Variants in IL34 observed in about 807,000 individuals in gnomAD.
IL34 encodes the protein interleukin 34, also known as interleukin-34.
A neutral mutation model predicts 25.3 loss-of-function variants in IL34; 17 were observed. The ratio of observed to expected loss-of-function variants is 0.67; its 90% CI spans 0.46 to 1.01. The LOEUF is 1.01. Ranked by LOEUF, IL34 falls within the 50% of genes least tolerant of loss-of-function variation. The probability of loss-of-function intolerance (pLI) is 0.00; values close to 1 mark genes in which losing one functional copy is unlikely to be tolerated. For synonymous variants in IL34, 174 were observed against 140.9 expected (o/e 1.23, Z -1.66); for missense variants, 368 against 312.9 (o/e 1.18, Z -1.33).
At chr16:70,615,313 T>C (rs1186043749) in intron 1 of IL34, among the ~76,000 whole-genome samples, 4 of 151,768 alleles carry the variant, frequency 2.6e-5, no homozygotes, top group Non-Finnish European at 4.4e-5. Context: ...TCGAAACCAT[T>C]CTGGCTAACA....
rs985414334 is a variant in IL34, at chr16:70,659,732, G to A, written c.517G>A (p.Glu173Lys). The part of the protein sequence containing the change: ...ALLDNCFRVM[E>K]LLYCSCCKQS... ...GCTGGACAACTGCTTCCGGGTCATGGAGCTGCTGTACTGCTCCTGCTGTAA... is the reference window on the plus strand; with the variant it reads ...GCTGGACAACTGCTTCCGGGTCATGAAGCTGCTGTACTGCTCCTGCTGTAA... Residue 173 changes from glutamate (E) to lysine (K), a missense_variant, in exon 5 of 6, where the codon GAG becomes AAG. Glu to Lys is a moderately conservative substitution (Grantham distance 56, BLOSUM62 1). Transcript: ENST00000288098. 1.2e-6 allele frequency: 2 copies of A among 1,605,896 alleles called. No homozygotes were observed. The highest frequency in any genetic ancestry group is 2.7e-5 in the African/African-American group (2 of 74,800).
At chr16:70,583,868 T>C (rs908310556) in intron 1 of IL34, among the ~76,000 whole-genome samples, 2 of 152,096 alleles carry the variant, frequency 1.3e-5, no homozygotes, top group Admixed American at 1.3e-4. Context: ...GCCAGGCTGA[T>C]CTCAAACTCC....
intron 1 of IL34, among the ~76,000 whole-genome samples, chr16:70,625,241 C>A (rs867760731): frequency 6.6e-6 from 1 of 151,622 alleles, no homozygotes; most frequent in African/African-American, 2.4e-5. Flanking sequence ...TGGAAGGTTG[C>A]CCATAGTGAA....
upstream of IL34, among the ~76,000 whole-genome samples, chr16:70,646,245 C>T (rs866847422): frequency 2.6e-5 from 4 of 152,090 alleles, no homozygotes; most frequent in Admixed American, 1.3e-4. Flanking sequence ...CTTTTTTAAC[C>T]TGTCCTTTAG....
chr16:70,625,023 C>G (rs950423208), intron 1 of IL34, among the ~76,000 whole-genome samples: 2 of 152,014 alleles, frequency 1.3e-5, no homozygotes, highest in Non-Finnish European at 2.9e-5. Context: ...GACCATTTGT[C>G]TATTTTACAG....
At chr16:70,598,505 A>G (rs2050858362) in intron 1 of IL34, among the ~76,000 whole-genome samples, 1 of 152,116 alleles carries the variant, frequency 6.6e-6, no homozygotes, top group African/African-American at 2.4e-5. Flanking sequence ...TTGGGAGGCC[A>G]AGGCTGGCGG....
intron 1 of IL34, among the ~76,000 whole-genome samples, chr16:70,626,441 G>A (rs1028473757): frequency 1.3e-5 from 2 of 152,262 alleles, no homozygotes; most frequent in Admixed American, 6.5e-5. Flanking sequence ...TTGTTGCCCA[G>A]GCTGGAATGG....
chr16:70,628,313 T>C (rs766007756), intron 1 of IL34, among the ~76,000 whole-genome samples: 14 of 152,216 alleles, frequency 9.2e-5, no homozygotes, highest in Admixed American at 3.3e-4. Flanking sequence ...AGTATATCTT[T>C]TTCCATTTGT....
intron 1 of IL34, among the ~76,000 whole-genome samples, chr16:70,632,784 C>T (rs1427790335): frequency 6.6e-6 from 1 of 152,104 alleles, no homozygotes; most frequent in East Asian, 1.9e-4. Flanking sequence ...CAAGTACTGC[C>T]TCTCAAGGTG....
chr16:70,615,724 G>A (rs2051163537), intron 1 of IL34, among the ~76,000 whole-genome samples: 1 of 152,056 alleles, frequency 6.6e-6, no homozygotes, highest in Non-Finnish European at 1.5e-5. Flanking sequence ...TCTGAGGTGG[G>A]GCAAATCACT....
chr16:70,656,576 C>G (rs779904161), intron 2 of IL34, 26 bp from the exon 3 acceptor site: 13 of 998,086 alleles, frequency 1.3e-5, no homozygotes, highest in Non-Finnish European at 6.5e-6. Flanking sequence ...CTTCTGGCCT[C>G]ATAGTTTGTT....
intron 1 of IL34, among the ~76,000 whole-genome samples, chr16:70,599,564 C>T (rs570332748): frequency 7.3e-5 from 11 of 149,886 alleles, no homozygotes; most frequent in Admixed American, 2.7e-4. Context: ...GACGGGGTTT[C>T]GCCATGTTGG....
chr16:70,639,618 G>GGCTTGGGCTTGAGCTTGA (rs11268011), intron 1 of IL34, among the ~76,000 whole-genome samples: 1 of 151,696 alleles, frequency 6.6e-6, no homozygotes, highest in Non-Finnish European at 1.5e-5. Flanking sequence ...CGTGACGAAG[G>GGCTTGGGCTTGAGCTTGA]GCTTGAGCTT....
rs2050751475 is a variant in IL34, at chr16:70,591,332, C to G, written c.-401+11283C>G. Among the ~76,000 whole-genome samples, 5 of 152,200 alleles carry G rather than the reference C, an allele frequency of 3.3e-5. No individual in the cohort carries two copies. In the South Asian group the frequency reaches 1.0e-3, roughly 32 times the overall value. ...AGTGATCCAGTGCCCTCCTTTGTCC[C>G]CAGAGCTGAGGCAGGATGACCACCA... is the stretch of plus-strand genomic sequence containing the variant. On this transcript the variant is annotated intron_variant, in intron 1 of 6. Transcript: ENST00000429149.
chr16:70,597,224 CTT>C (rs199537943), intron 1 of IL34, among the ~76,000 whole-genome samples: 18 of 144,772 alleles, frequency 1.2e-4, no homozygotes, highest in Non-Finnish European at 1.1e-4. Context: ...AGTTTTTTAG[CTT>C]TTTTTTTTTT....
At chr16:70,654,430 G>C in intron 1 of IL34, 108 bp from the exon 2 acceptor site, 1 of 1,427,204 alleles carries the variant, frequency 7.0e-7, no homozygotes, top group Non-Finnish European at 9.5e-7. Flanking sequence ...TCCCATTGGT[G>C]CTTGTCTCCT....
chr16:70,654,298 C>T (rs1252655332), intron 1 of IL34: 2 of 385,806 alleles, frequency 5.2e-6, no homozygotes, highest in South Asian at 7.4e-5. Flanking sequence ...TCCTGGGGGG[C>T]TCCAGTGGCC....
intron 1 of IL34, among the ~76,000 whole-genome samples, chr16:70,597,401 C>T (rs764311530): frequency 2.0e-5 from 3 of 151,766 alleles, no homozygotes; most frequent in Non-Finnish European, 4.4e-5. Context: ...TTAATTTTTT[C>T]GTAGAGATGG....
At position 70,646,874 on chromosome 16, in the gene IL34, G is replaced by A. The variant is rs571018045; in HGVS notation, c.-74G>A. On this transcript the variant is annotated 5_prime_UTR_variant, in exon 1 of 6. An upstream open reading frame in the 5' UTR loses its in-frame stop. Coordinates refer to ENST00000288098, the MANE Select transcript of IL34 (RefSeq NM_001393494.1). ...ACCTCTGCTGCCCCGAGGCCATGTA[G>A]GCCGTGCTTAGGCCTCTGTGGACAC... The A allele has an allele frequency of 8.6e-4, 1,191 of 1,392,936 alleles. 7 individuals are homozygous for A. The highest frequency in any genetic ancestry group is 1.5e-3 in the African/African-American group (97 of 65,676). The allele number at this position is 1,392,936 out of a possible 1,614,324, so 86.3% of individuals were successfully genotyped here.
Sources: gnomAD v4.1 joint callset for allele counts (sites outside exome capture counted in the v4.1 genomes callset) on GRCh38, gnomAD v4.1.1 for gene constraint, MANE v1.5 for transcripts, NCBI Gene and HGNC (gene_info 2026-07-23, HGNC 2026-07-21) for gene names.